PHF3: variants seen among roughly 807,000 people sequenced by gnomAD.
PHF3 encodes PHD finger protein 3.
PHF3 carries 41 observed loss-of-function variants against 178.4 expected under a neutral mutation model. That is an observed-to-expected ratio of 0.23 (90% CI 0.18 to 0.30). The LOEUF (loss-of-function observed/expected upper bound fraction) is 0.30, where lower values mean the gene tolerates loss of function less well. Among genes scored for constraint, PHF3 ranks in the 10% least tolerant of loss-of-function variants. The probability of loss-of-function intolerance (pLI) is 1.00; values close to 1 mark genes in which losing one functional copy is unlikely to be tolerated. For missense variants in PHF3, 2,346 were observed against 2,398.1 expected (o/e 0.98, Z 0.45); for synonymous variants, 842 against 800.5 (o/e 1.05, Z -0.88).
In PHF3 at chr6:63,713,001, C is replaced by A. The variant is rs1212829; in HGVS notation, c.5413C>A (p.Leu1805Ile). 1 of 1,614,024 alleles carries A rather than the reference C, an allele frequency of 6.2e-7. No individual in the cohort carries two copies. The highest frequency in any genetic ancestry group is 1.7e-5 in the Admixed American group (1 of 60,004). ...ACCCATGAGGCCACAGCAGCCCAAC[C>A]TTCAGCATCTCAAGTCTAGCCCACC... ...FSPMRPQQPN[L>I]QHLKSSPPGF... The change falls in exon 16 of 16, where the codon CTT becomes ATT. Residue 1805 changes from leucine (L) to isoleucine (I), a missense_variant. This residue lies in a region of PHF3 where 839 missense variants were observed against 806.9 expected (regional missense o/e 1.04). Transcript: ENST00000262043.
rs1404692132 is a variant in PHF3, at chr6:63,714,565, T to C, written c.*857T>C. On this transcript the variant is annotated 3_prime_UTR_variant, in exon 16 of 16. Transcript: ENST00000262043. Reference sequence around the variant, plus strand: ...TCAGCCAAGAACATATAGAAATAGCTATCTATGTCAGGCATTAGATGAGGG... The same window carrying C: ...TCAGCCAAGAACATATAGAAATAGCCATCTATGTCAGGCATTAGATGAGGG... The C allele has an allele frequency of 6.6e-6, 1 of 152,550 alleles. No homozygotes were observed. The highest frequency in any genetic ancestry group is 1.9e-4 in the East Asian group (1 of 5,196). 9.4% of individuals were successfully genotyped at this position (152,550 alleles called of 1,614,324 possible).
intron 2 of PHF3, among the ~76,000 whole-genome samples, chr6:63,673,180 C>CGG (rs1765995593): frequency 6.6e-6 from 1 of 151,936 alleles, no homozygotes; most frequent in Admixed American, 6.6e-5. Context: ...TTTAACATGG[C>CGG]TAACAGCAGA....
rs375430780 is a variant in PHF3, at chr6:63,671,080, AT to A, written c.245-8919del. ...GTGAAACTCAATGAATAATAATGAG[AT>A]CCATATTATAAGATGGTCGAGCTGC... On this transcript the variant is annotated intron_variant, in intron 2 of 15. Coordinates refer to ENST00000262043, the MANE Select transcript of PHF3 (RefSeq NM_001370348.2). Among the ~76,000 whole-genome samples, 20 of 151,230 alleles carry A rather than the reference AT, an allele frequency of 1.3e-4. No individual in the cohort carries two copies. In the East Asian group the frequency reaches 2.9e-3, roughly 22 times the overall value.
intron 2 of PHF3, among the ~76,000 whole-genome samples, chr6:63,664,264 A>G (rs1355376575): frequency 1.3e-5 from 2 of 152,178 alleles, no homozygotes; most frequent in Non-Finnish European, 2.9e-5. Flanking sequence ...TCTAGACTGT[A>G]TATCTGTATT....
intron 1 of PHF3, among the ~76,000 whole-genome samples, chr6:63,642,315 C>T (rs1200522894): frequency 6.6e-6 from 1 of 152,176 alleles, no homozygotes; most frequent in East Asian, 1.9e-4. Flanking sequence ...TTTCACCTTC[C>T]TCTGTGAAGC....
Position 63,713,800 on chromosome 6 carries a change from A to G in PHF3, c.*92A>G, listed in dbSNP as rs1768083922. The G allele has an allele frequency of 2.6e-6, 3 of 1,135,534 alleles. No individual in the cohort carries two copies. Among genetic ancestry groups the G allele is most frequent in the African/African-American group, 3.2e-5 (2 of 63,320 alleles). The allele number at this position is 1,135,534 out of a possible 1,614,324, so 70.3% of individuals were successfully genotyped here. A position where few individuals can be genotyped will look rare whatever the true frequency, so the allele number is the denominator to read the frequency against. ...AAAGATTGCCTGCTAGGATTGTGCC[A>G]TCTTTAAAATTTTTACTATTGGTCA... On this transcript the variant is annotated 3_prime_UTR_variant, in exon 16 of 16. Transcript: ENST00000262043.
At position 63,684,414 on chromosome 6, in the gene PHF3, A is replaced by G. The variant is rs1766581264; in HGVS notation, c.692A>G (p.Glu231Gly). 1 of 1,613,946 alleles carries G rather than the reference A, an allele frequency of 6.2e-7. No homozygotes were observed. The highest frequency in any genetic ancestry group is 8.5e-7 in the Non-Finnish European group (1 of 1,179,910). The part of the protein sequence containing the change: ...SVSSCLEMKD[E>G]DGLDSKHKCN... ...TCATCTTGTCTTGAAATGAAGGATG[A>G]AGATGGATTAGATTCTAAGCATAAG... Residue 231 changes from glutamate to glycine, a missense_variant, in exon 4 of 16, where the codon GAA (glutamate) becomes GGA (glycine). Glu to Gly is a moderately conservative substitution (Grantham distance 98). Around this residue, in one of 8 missense-constraint regions of PHF3, gnomAD observed 843 missense variants for 795.2 expected, o/e 1.06. Transcript: ENST00000262043.
chr6:63,649,165 A>T (rs1439352905), intron 2 of PHF3, among the ~76,000 whole-genome samples: 5 of 151,456 alleles, frequency 3.3e-5, no homozygotes, highest in Admixed American at 1.3e-4. Context: ...CTGGTCTCTT[A>T]ACTCCTGGCC....
In PHF3 at chr6:63,718,688, G is replaced by GA. The variant is rs1314182403; in HGVS notation, c.*4984dup. ...GGAAAGGGAGGACTCTGGATTCCTTGAAAAGATCGCAGGGGTTCTTGGACC... is the reference window on the plus strand; with the variant it reads ...GGAAAGGGAGGACTCTGGATTCCTTGAAAAAGATCGCAGGGGTTCTTGGACC... On this transcript the variant is annotated 3_prime_UTR_variant, in exon 16 of 16. Coordinates refer to ENST00000262043, the MANE Select transcript of PHF3 (RefSeq NM_001370348.2). Among the ~76,000 whole-genome samples the GA allele has an allele frequency of 6.6e-6, 1 of 151,966 alleles. No homozygotes were observed. Among genetic ancestry groups the GA allele is most frequent in the Non-Finnish European group, 1.5e-5 (1 of 67,932 alleles).
chr6:63,649,236 G>A (rs1764921683), intron 2 of PHF3, among the ~76,000 whole-genome samples: 1 of 151,994 alleles, frequency 6.6e-6, no homozygotes, highest in African/African-American at 2.4e-5. Flanking sequence ...GAGCCACTGT[G>A]CTTGGCCTGG....
rs577737219 is a variant in PHF3, at chr6:63,689,277, T to C, written c.2190-2460T>C. Among the ~76,000 whole-genome samples, 150 of 152,296 alleles carry C rather than the reference T, an allele frequency of 9.8e-4. 3 individuals carry two copies. The South Asian group carries it at 0.03, about 31-fold the overall frequency. On this transcript the variant is annotated intron_variant, in intron 4 of 15. Coordinates refer to ENST00000262043, the MANE Select transcript of PHF3 (RefSeq NM_001370348.2). The stretch of plus-strand genomic sequence containing the variant: ...CTTAGTTTTTTCATGTTATTTACCT[T>C]GTGGTTTCTGTTTTTCTACTTCTCC...
intron 2 of PHF3, among the ~76,000 whole-genome samples, chr6:63,675,211 T>C (rs1766113165): frequency 6.6e-6 from 1 of 152,180 alleles, no homozygotes; most frequent in Non-Finnish European, 1.5e-5. Flanking sequence ...CATTTGGGGT[T>C]AAATTTATTC....
chr6:63,667,115 G>A (rs781394394), intron 2 of PHF3, among the ~76,000 whole-genome samples: 1 of 152,054 alleles, frequency 6.6e-6, no homozygotes. Flanking sequence ...AAAGTGCTGG[G>A]ATTACAGATA....
rs778914251 is a variant in PHF3, at chr6:63,711,198, C to G, written c.3833C>G (p.Thr1278Ser). The G allele has an allele frequency of 1.9e-6, 3 of 1,608,592 alleles. No individual in the cohort carries two copies. Among genetic ancestry groups the G allele is most frequent in the Non-Finnish European group, 2.5e-6 (3 of 1,177,592 alleles). The change falls in exon 15 of 16, where the codon ACT becomes AGT. Residue 1278 changes from threonine to serine, a missense_variant. By Grantham distance (58) the Thr-to-Ser change is moderately conservative. This residue lies in a region of PHF3 where 90 missense variants were observed against 136.6 expected (regional missense o/e 0.66). Coordinates refer to ENST00000262043, the MANE Select transcript of PHF3 (RefSeq NM_001370348.2). Reference protein sequence around the residue: ...EICVVRFTPVTEEDQISYTLL... With the variant: ...EICVVRFTPVSEEDQISYTLL... ...TGTGTGGTTCGCTTCACACCAGTAA[C>G]TGAAGAAGATCAAATTTCTTATACT...
intron 2 of PHF3, among the ~76,000 whole-genome samples, chr6:63,658,417 G>T (rs1230949290): frequency 1.3e-5 from 2 of 151,962 alleles, no homozygotes; most frequent in Admixed American, 1.3e-4. Context: ...GGGATTTGGG[G>T]GTGGGGAGAG....
At position 63,722,596 on chromosome 6, in the gene PHF3, A is replaced by G. The variant is rs1052452600; in HGVS notation, c.*8888A>G. Among the ~76,000 whole-genome samples, 3 of 152,224 alleles carry G rather than the reference A, an allele frequency of 2.0e-5. No homozygotes were observed. Among genetic ancestry groups the G allele is most frequent in the African/African-American group, 7.2e-5 (3 of 41,462 alleles). ...TGTTCTTCACTGTAAGATTGCTTGA[A>G]GAGGATAGCAAAATGACTTATTAAT... On this transcript the variant is annotated 3_prime_UTR_variant, in exon 16 of 16. Transcript: ENST00000262043.
rs1766358259 is a variant in PHF3 at position 63,680,020 on chromosome 6, A to G, written c.265A>G (p.Met89Val). The change falls in exon 3 of 16, where the codon ATG (methionine) becomes GTG (valine). Residue 89 changes from methionine (M) to valine (V), a missense_variant. Met to Val is a conservative substitution (Grantham distance 21, BLOSUM62 1). This residue lies in a region of PHF3 where 843 missense variants were observed against 795.2 expected (regional missense o/e 1.06). Transcript: ENST00000262043. ...TCTAGTTGTTGGTCTTGACGATATT[A>G]TGGATGAAGGAGTTGTTAAAGAAAG... ...CSTVVGLDDIMDEGVVKESGN... is the reference protein window; with the variant it reads ...CSTVVGLDDIVDEGVVKESGN... 1 of 1,610,880 alleles carries G rather than the reference A, an allele frequency of 6.2e-7. No homozygotes were observed. The highest frequency in any genetic ancestry group is 8.5e-7 in the Non-Finnish European group (1 of 1,178,642).
chr6:63,638,748 ACT>A lies in PHF3; in HGVS notation c.-26+2604_-26+2605del, dbSNP rs533790615. 1.7e-3 allele frequency among the ~76,000 whole-genome samples: 258 copies of A among 152,092 alleles called. 8 individuals are homozygous for A. In the South Asian group the frequency reaches 0.05, roughly 29 times the overall value. On this transcript the variant is annotated intron_variant, in intron 1 of 15. Transcript: ENST00000262043. ...TGTTTCTCTTATTTCTTCTTGGAGCACTCTCTCAGAATTCTGGAGTATCTTTT... is the reference window on the plus strand; with the variant it reads ...TGTTTCTCTTATTTCTTCTTGGAGCACTCTCAGAATTCTGGAGTATCTTTT...
chr6:63,673,116 A>ATT (rs1273815743), intron 2 of PHF3, among the ~76,000 whole-genome samples: 1 of 146,028 alleles, frequency 6.8e-6, no homozygotes, highest in Admixed American at 6.9e-5. Context: ...TATGCTTGGG[A>ATT]TTTTTTTTTT....
Sources: gnomAD v4.1 joint callset for allele counts (sites outside exome capture counted in the v4.1 genomes callset) on GRCh38, gnomAD v4.1.1 for gene constraint, gnomAD v4.1.1 regional missense constraint, MANE v1.5 for transcripts, NCBI Gene and HGNC (gene_info 2026-07-23, HGNC 2026-07-21) for gene names.